SAMHD1: variants seen among roughly 807,000 people sequenced by gnomAD.
The protein encoded by SAMHD1 is deoxynucleoside triphosphate triphosphohydrolase SAMHD1.
Under a neutral mutation model 79.6 loss-of-function variants are expected in SAMHD1, and 54 were observed. The ratio of observed to expected loss-of-function variants is 0.68; its 90% CI spans 0.55 to 0.85. SAMHD1 has a LOEUF of 0.85. Among genes scored for constraint, SAMHD1 ranks in the 40% least tolerant of loss-of-function variants. The probability of loss-of-function intolerance (pLI) is 0.00; values close to 1 mark genes in which losing one functional copy is unlikely to be tolerated. For missense variants in SAMHD1, 663 were observed against 782.7 expected, an observed-to-expected ratio of 0.85 and a Z score of 1.82; for synonymous variants, 260 against 264.1, an observed-to-expected ratio of 0.98 and a Z score of 0.15.
chr20:36,930,804 C>G lies in SAMHD1; in HGVS notation c.581G>C (p.Arg194Pro). ...AGCAATCTGAACACAGAGAACATCT[C>G]GTTCACTTATCTGCAGCTCTGGTTG... Reference protein sequence around the residue: ...EKQPELQISERDVLCVQIAGL... With the variant: ...EKQPELQISEPDVLCVQIAGL... The change falls in exon 5 of 16, where the codon CGA (arginine) becomes CCA (proline). Residue 194 changes from arginine to proline, a missense_variant. Arg to Pro is a moderately radical substitution (Grantham distance 103). Coordinates refer to ENST00000646673, the MANE Select transcript of SAMHD1 (RefSeq NM_015474.4). The G allele has an allele frequency of 6.2e-7, 1 of 1,613,914 alleles. No homozygotes were observed. Among genetic ancestry groups the G allele is most frequent in the South Asian group, 1.1e-5 (1 of 91,058 alleles).
intron 13 of SAMHD1, among the ~76,000 whole-genome samples, chr20:36,898,812 T>G (rs1196227886): frequency 6.7e-6 from 1 of 148,442 alleles, no homozygotes; most frequent in African/African-American, 2.5e-5. Context: ...CTCGGGAGAC[T>G]GAGGCAGGAG....
At chr20:36,912,236 G>T in intron 10 of SAMHD1, 1 of 521,684 alleles carries the variant, frequency 1.9e-6, no homozygotes, top group Non-Finnish European at 3.4e-6. Context: ...CCCTTCATCT[G>T]CCCCTTTATC....
At chr20:36,934,196 A>C (rs2063585458) in intron 4 of SAMHD1, among the ~76,000 whole-genome samples, 1 of 151,984 alleles carries the variant, frequency 6.6e-6, no homozygotes, top group African/African-American at 2.4e-5. Context: ...TTAAGAATAC[A>C]TAAAATAAAT....
chr20:36,934,821 G>A (rs1601144392), intron 4 of SAMHD1: 1 of 488,676 alleles, frequency 2.0e-6, no homozygotes, highest in Non-Finnish European at 3.8e-6. Flanking sequence ...ATCATGTCTG[G>A]CTAATTTTGT....
At chr20:36,928,777 C>T (rs1284836744) in intron 5 of SAMHD1, among the ~76,000 whole-genome samples, 1 of 151,216 alleles carries the variant, frequency 6.6e-6, no homozygotes, top group East Asian at 2.0e-4. Context: ...CTATCTTTGG[C>T]CGGGTGTGGT....
At chr20:36,915,153 G>A (rs2148367827) in intron 9 of SAMHD1, among the ~76,000 whole-genome samples, 1 of 152,232 alleles carries the variant, frequency 6.6e-6, no homozygotes, top group East Asian at 1.9e-4. Context: ...AGACCAGCCT[G>A]GGCAACACAG....
chr20:36,912,717 GATTAGTAAAGCCATTT>G (rs2063448675), intron 9 of SAMHD1, among the ~76,000 whole-genome samples, 165 bp from the exon 10 acceptor site: 2 of 146,100 alleles, frequency 1.4e-5, no homozygotes, highest in African/African-American at 5.0e-5. Context: ...TGAGGAGGCA[GATTAGTAAAGCCATTT>G]ATTGGCTTGC....
At chr20:36,912,889 G>GTTTTT (rs71186089) in intron 9 of SAMHD1, among the ~76,000 whole-genome samples, 570 of 41,090 alleles carry the variant, frequency 0.014, 181 homozygotes, top group African/African-American at 0.052. Context: ...TTCATTCTTT[G>GTTTTT]TTTTTTTTTT....
intron 2 of SAMHD1, among the ~76,000 whole-genome samples, chr20:36,946,035 C>T (rs968082041): frequency 1.3e-5 from 2 of 152,054 alleles, no homozygotes; most frequent in African/African-American, 2.4e-5. Flanking sequence ...GTAATCTCAG[C>T]ACTTTGGGAG....
intron 5 of SAMHD1, among the ~76,000 whole-genome samples, chr20:36,928,352 A>G (rs757987837): frequency 1.3e-4 from 20 of 148,748 alleles, no homozygotes; most frequent in Non-Finnish European, 2.1e-4. Context: ...TCACACCACT[A>G]CACCCCAGCC....
At chr20:36,934,547 C>G in intron 4 of SAMHD1, 1 of 139,654 alleles carries the variant, frequency 7.2e-6, no homozygotes, top group South Asian at 2.3e-4. Flanking sequence ...AAAAAAAAGC[C>G]TCAATTTTCT....
chr20:36,942,080 C>G (rs1479356736), intron 2 of SAMHD1, among the ~76,000 whole-genome samples: 2 of 152,124 alleles, frequency 1.3e-5, no homozygotes, highest in East Asian at 3.8e-4. Context: ...CCCGTGACCA[C>G]TTAATATTTT....
chr20:36,925,965 G>A (rs1339443375), intron 6 of SAMHD1, among the ~76,000 whole-genome samples: 1 of 151,502 alleles, frequency 6.6e-6, no homozygotes, highest in East Asian at 1.9e-4. Flanking sequence ...CTAGCTCCTC[G>A]GTATTTACCT....
rs1313334730 is a variant in SAMHD1 at position 36,944,076 on chromosome 20, T to TCAAA, written c.275+2658_275+2661dup. Among the ~76,000 whole-genome samples the TCAAA allele has an allele frequency of 1.5e-3, 20 of 13,142 alleles. No individual in the cohort carries two copies. In the South Asian group the frequency reaches 0.067, roughly 44 times the overall value. The allele number at this position is 13,142 out of a possible 152,430, so 8.6% of individuals were successfully genotyped here. On this transcript the variant is annotated intron_variant, in intron 2 of 15. Transcript: ENST00000646673. ...CTGAGTGACAGAGCAAGACTCCATC[T>TCAAA]CAAAAAAAAAAAAAAAAAAAAGAAC... is the stretch of plus-strand genomic sequence containing the variant.
chr20:36,951,408 C>T, intron 1 of SAMHD1, 28 bp downstream of exon 1: 1 of 1,612,064 alleles, frequency 6.2e-7, no homozygotes, highest in East Asian at 2.2e-5. Context: ...CGCCGCCCTT[C>T]GCCCCTCAGC....
intron 10 of SAMHD1, 59 bp from the exon 11 acceptor site, chr20:36,911,392 TCTTA>T (rs1307709398): frequency 3.8e-6 from 4 of 1,041,358 alleles, no homozygotes; most frequent in Non-Finnish European, 4.5e-6. Context: ...TTGCCTTATG[TCTTA>T]CTTAAGGAAA....
rs572070775 is a variant in SAMHD1, at chr20:36,892,404, C to T, written c.*528G>A. ...GCAGGATTTGATGTTTTGTTTTTAG[C>T]CATGTTTGTCAATGACAATGTCAAT... On this transcript the variant is annotated 3_prime_UTR_variant, in exon 16 of 16. Coordinates refer to ENST00000646673, the MANE Select transcript of SAMHD1 (RefSeq NM_015474.4). 5.2e-6 allele frequency: 1 copy of T among 190,740 alleles called. No individual in the cohort carries two copies. The highest frequency in any genetic ancestry group is 1.4e-4 in the East Asian group (1 of 6,990). The allele number at this position is 190,740 out of a possible 1,614,324, so 11.8% of individuals were successfully genotyped here. A position where few individuals can be genotyped will look rare whatever the true frequency, so the allele number is the denominator to read the frequency against.
At chr20:36,895,205 C>G (rs1314793487) in intron 15 of SAMHD1, among the ~76,000 whole-genome samples, 2 of 151,984 alleles carry the variant, frequency 1.3e-5, no homozygotes, top group Non-Finnish European at 2.9e-5. Context: ...ACACTCTATG[C>G]TCCTTCCTGA....
rs2063594910 is a variant in SAMHD1 at position 36,935,114 on chromosome 20, G to A, written c.424C>T (p.Gln142Ter). The change falls in exon 4 of 16, where the codon CAA (glutamine) becomes TAA (stop). Residue 142 changes from glutamine (Q) to a stop codon, truncating the protein, a stop_gained. Transcript: ENST00000646673. LOFTEE classifies it high-confidence loss of function. ...LVRIIDTPQF[Q>*]RLRYIKQLGG... ...AGCTGTTTGATGTATCGAAGACGTT[G>A]AAATTGAGGTGTATCAATGATTCGG... 1 of 1,613,792 alleles carries A rather than the reference G, an allele frequency of 6.2e-7. No homozygotes were observed. Among genetic ancestry groups the A allele is most frequent in the South Asian group, 1.1e-5 (1 of 91,080 alleles).
Sources: allele counts gnomAD v4.1 joint callset (sites outside exome capture counted in the v4.1 genomes callset), GRCh38; gene constraint gnomAD v4.1.1; transcripts MANE v1.5; gene names NCBI Gene and HGNC (gene_info 2026-07-23, HGNC 2026-07-21).